The following ATRNL1 variants were observed in gnomAD, a reference collection of about 807,000 sequenced individuals.
The protein encoded by ATRNL1 is attractin like 1.
Under a neutral mutation model 182.7 loss-of-function variants are expected in ATRNL1, and 95 were observed. The ratio of observed to expected loss-of-function variants is 0.52; its 90% CI spans 0.44 to 0.62. The LOEUF (loss-of-function observed/expected upper bound fraction) is 0.62, where lower values mean the gene tolerates loss of function less well. Among genes scored for constraint, ATRNL1 ranks in the 20% least tolerant of loss-of-function variants. The pLI is 0.00. For synonymous variants in ATRNL1, 576 were observed against 568.3 expected, an observed-to-expected ratio of 1.01 and a Z score of -0.19; for missense variants, 1,471 against 1,679.5, an observed-to-expected ratio of 0.88 and a Z score of 2.17.
intron 24 of ATRNL1, among the ~76,000 whole-genome samples, chr10:115,481,532 G>T (rs12242552): frequency 0.038 from 5,727 of 150,756 alleles, 386 homozygotes; most frequent in African/African-American, 0.13. Context: ...AAAATAACTT[G>T]TTGAATTTCA....
chr10:115,393,944 G>A (rs782681919), intron 19 of ATRNL1, among the ~76,000 whole-genome samples: 37 of 152,016 alleles, frequency 2.4e-4, no homozygotes, highest in Admixed American at 8.5e-4. Context: ...GGAAAGTTTC[G>A]TCTAGTACTC....
intron 13 of ATRNL1, among the ~76,000 whole-genome samples, chr10:115,280,454 G>C (rs1852310063): frequency 6.6e-6 from 1 of 152,222 alleles, no homozygotes; most frequent in African/African-American, 2.4e-5. Context: ...GTCTTGATCT[G>C]TCTTCTTGGG....
At chr10:115,446,812 A>G (rs1554966782) in intron 21 of ATRNL1, among the ~76,000 whole-genome samples, 1 of 151,754 alleles carries the variant, frequency 6.6e-6, no homozygotes, top group East Asian at 1.9e-4. Context: ...CTATTTTTAT[A>G]AACTATTTTT....
intron 26 of ATRNL1, among the ~76,000 whole-genome samples, chr10:115,595,627 T>C (rs1856191593): frequency 6.6e-6 from 1 of 152,188 alleles, no homozygotes; most frequent in South Asian, 2.1e-4. Context: ...CTATTTATTA[T>C]CTTTTCCTTT....
intron 20 of ATRNL1, among the ~76,000 whole-genome samples, chr10:115,403,968 A>T (rs1458233517): frequency 1.3e-5 from 2 of 152,208 alleles, no homozygotes; most frequent in African/African-American, 4.8e-5. Flanking sequence ...TGAAAATATC[A>T]GTTCAGAACG....
chr10:115,929,908 T>A (rs1385673581), intron 28 of ATRNL1, among the ~76,000 whole-genome samples: 1 of 152,100 alleles, frequency 6.6e-6, no homozygotes, highest in African/African-American at 2.4e-5. Flanking sequence ...ACTAATCCAA[T>A]CTAAATGTTT....
intron 7 of ATRNL1, among the ~76,000 whole-genome samples, chr10:115,168,210 C>T (rs190468125): frequency 3.5e-4 from 53 of 152,082 alleles, no homozygotes; most frequent in African/African-American, 1.2e-3. Context: ...GGAAATATAC[C>T]GTGTTGTTTA....
intron 24 of ATRNL1, among the ~76,000 whole-genome samples, chr10:115,477,169 A>G (rs1198113072): frequency 2.0e-5 from 3 of 151,584 alleles, no homozygotes; most frequent in African/African-American, 7.3e-5. Context: ...TTATTTAATA[A>G]TAACCCAAAT....
intron 18 of ATRNL1, among the ~76,000 whole-genome samples, chr10:115,317,757 C>T (rs1854374746): frequency 6.6e-6 from 1 of 152,252 alleles, no homozygotes; most frequent in South Asian, 2.1e-4. Context: ...TATCCTGAGA[C>T]TTTGCTGAAG....
chr10:115,721,920 C>T (rs1947438916), intron 26 of ATRNL1, among the ~76,000 whole-genome samples: 1 of 152,084 alleles, frequency 6.6e-6, no homozygotes, highest in African/African-American at 2.4e-5. Flanking sequence ...ATAGCAACCC[C>T]AAATAACTGA....
chr10:115,750,943 G>C (rs559496578), intron 27 of ATRNL1, among the ~76,000 whole-genome samples: 33 of 151,974 alleles, frequency 2.2e-4, no homozygotes, highest in Non-Finnish European at 4.6e-4. Context: ...AACACAAAAG[G>C]TTGAAAACAT....
intron 27 of ATRNL1, among the ~76,000 whole-genome samples, chr10:115,737,309 C>T (rs1225806992): frequency 1.3e-5 from 2 of 149,970 alleles, no homozygotes; most frequent in Admixed American, 6.6e-5. Context: ...TGGTGGCATG[C>T]ATCTATGGTT....
chr10:115,816,511 A>G (rs1243572557), intron 27 of ATRNL1, among the ~76,000 whole-genome samples: 2 of 152,122 alleles, frequency 1.3e-5, no homozygotes, highest in African/African-American at 2.4e-5. Flanking sequence ...ATATATTGTC[A>G]TTAGCCAATG....
rs189177875 is a variant in ATRNL1, at chr10:115,322,749, G to C, written c.3037+7013G>C. On this transcript the variant is annotated intron_variant, in intron 18 of 28. Transcript: ENST00000355044. ...TCATTATTTCTCCAATTTTCTAAAG[G>C]TAGATTTGCTTGATAGAGGATTCTT... 4.9e-3 allele frequency among the ~76,000 whole-genome samples: 751 copies of C among 152,084 alleles called. 6 individuals are homozygous for C. The highest frequency in any genetic ancestry group is 0.017 in the African/African-American group (709 of 41,540).
intron 25 of ATRNL1, among the ~76,000 whole-genome samples, chr10:115,532,682 G>A (rs2133752663): frequency 6.6e-6 from 1 of 150,542 alleles, no homozygotes; most frequent in Admixed American, 6.6e-5. Context: ...AGTGGTGAGA[G>A]AGGGCATCCC....
At chr10:115,840,754 C>G (rs1212614301) in intron 27 of ATRNL1, among the ~76,000 whole-genome samples, 3 of 152,008 alleles carry the variant, frequency 2.0e-5, no homozygotes, top group African/African-American at 7.2e-5. Context: ...CTAGCATGAC[C>G]TGGCATGGCT....
intron 27 of ATRNL1, among the ~76,000 whole-genome samples, chr10:115,751,741 G>A (rs537664692): frequency 3.0e-4 from 46 of 152,126 alleles, no homozygotes; most frequent in African/African-American, 1.1e-3. Context: ...ATGATCTCAG[G>A]CAATATTGCT....
chr10:115,530,469 A>G (rs1210420247), intron 25 of ATRNL1, among the ~76,000 whole-genome samples: 1 of 152,168 alleles, frequency 6.6e-6, no homozygotes, highest in Non-Finnish European at 1.5e-5. Context: ...AAAATGAAAG[A>G]TTAAAGGAAT....
At chr10:115,268,525 G>C in intron 13 of ATRNL1, 81 bp downstream of exon 13, 1 of 1,009,874 alleles carries the variant, frequency 9.9e-7, no homozygotes, top group East Asian at 2.4e-5. Flanking sequence ...TAGTAGCACT[G>C]TAGAAAAAAA....
Sources: allele counts gnomAD v4.1 joint callset (sites outside exome capture counted in the v4.1 genomes callset), GRCh38; gene constraint gnomAD v4.1.1; transcripts MANE v1.5; gene names NCBI Gene and HGNC (gene_info 2026-07-23, HGNC 2026-07-21).